The following MCC variants were observed in gnomAD, a reference collection of about 807,000 sequenced individuals.
MCC encodes colorectal mutant cancer protein.
MCC carries 90 observed loss-of-function variants against 116.2 expected under a neutral mutation model. The observed-to-expected ratio is 0.77, with a 90% CI of 0.65 to 0.92. The LOEUF (loss-of-function observed/expected upper bound fraction) is 0.92. Among genes scored for constraint, MCC ranks in the 40% least tolerant of loss-of-function variants. MCC has a pLI of 0.00. For missense variants in MCC, 1,516 were observed against 1,312.2 expected (o/e 1.16, Z -2.40); for synonymous variants, 578 against 510.5 (o/e 1.13, Z -1.78).
At chr5:113,234,985 C>G (rs1018567303) in intron 3 of MCC, among the ~76,000 whole-genome samples, 6 of 152,194 alleles carry the variant, frequency 3.9e-5, no homozygotes, top group South Asian at 2.1e-4. Context: ...CCTCAGTCTT[C>G]TGGCAAACTT....
chr5:113,268,793 A>G (rs113764585), intron 3 of MCC, among the ~76,000 whole-genome samples: 3,153 of 152,288 alleles, frequency 0.021, 36 homozygotes, highest in Middle Eastern at 0.027. Flanking sequence ...TAGTTTTAAC[A>G]AGCATCTAGA....
chr5:113,482,661 C>T (rs1016601663), intron 1 of MCC, among the ~76,000 whole-genome samples: 2 of 152,104 alleles, frequency 1.3e-5, no homozygotes, highest in African/African-American at 4.8e-5. Flanking sequence ...AGTCCTTTAT[C>T]AGATGTACAA....
At chr5:113,291,832 A>C (rs1766506913) in intron 3 of MCC, among the ~76,000 whole-genome samples, 2 of 152,230 alleles carry the variant, frequency 1.3e-5, no homozygotes, top group African/African-American at 4.8e-5. Flanking sequence ...ATTGTATTTG[A>C]ATCTATGGAT....
chr5:113,031,783 G>A (rs1750972185), intron 17 of MCC, among the ~76,000 whole-genome samples: 1 of 152,062 alleles, frequency 6.6e-6, no homozygotes, highest in African/African-American at 2.4e-5. Flanking sequence ...GGCCCTCAGG[G>A]GACCAGAGGG....
chr5:113,248,829 C>CTTTTTTTT (rs1462229364), intron 3 of MCC, among the ~76,000 whole-genome samples: 2 of 131,040 alleles, frequency 1.5e-5, no homozygotes, highest in Admixed American at 8.7e-5. Flanking sequence ...TTCTCTCTCT[C>CTTTTTTTT]TTCTTTTTTT....
chr5:113,254,132 A>G (rs945409384), intron 3 of MCC, among the ~76,000 whole-genome samples: 1 of 152,174 alleles, frequency 6.6e-6, no homozygotes, highest in African/African-American at 2.4e-5. Context: ...CAAAGGTACG[A>G]GGGTCAGTAG....
intron 3 of MCC, among the ~76,000 whole-genome samples, chr5:113,291,071 G>A (rs189593000): frequency 6.6e-6 from 1 of 152,298 alleles, no homozygotes; most frequent in Admixed American, 6.5e-5. Flanking sequence ...AATGTTCATA[G>A]AGGCAATTTT....
At chr5:113,198,597 G>C (rs1001101810) in intron 3 of MCC, among the ~76,000 whole-genome samples, 1 of 151,102 alleles carries the variant, frequency 6.6e-6, no homozygotes, top group South Asian at 2.1e-4. Context: ...CCAGCTACTC[G>C]GCAGGTTGAG....
intron 3 of MCC, among the ~76,000 whole-genome samples, chr5:113,280,009 C>T (rs904832829): frequency 1.3e-5 from 2 of 152,218 alleles, no homozygotes; most frequent in Non-Finnish European, 2.9e-5. Flanking sequence ...CAATCTGCAA[C>T]AATTCCAGCT....
intron 1 of MCC, among the ~76,000 whole-genome samples, chr5:113,478,574 G>GT (rs1772293246): frequency 6.6e-6 from 1 of 152,138 alleles, no homozygotes; most frequent in Non-Finnish European, 1.5e-5. Flanking sequence ...ATTCGGTTCT[G>GT]TATGTGATAA....
chr5:113,375,358 T>C lies in MCC; in HGVS notation c.415+9610A>G, dbSNP rs548541317. ...TTGATCATATATGATCCTGTACTAG[T>C]TCTATTTATATGTTTTGTCTTGATT... On this transcript the variant is annotated intron_variant, in intron 2 of 18. Transcript: ENST00000408903. Among the ~76,000 whole-genome samples, 8 of 152,320 alleles carry C rather than the reference T, an allele frequency of 5.3e-5. No homozygotes were observed. In the South Asian group the frequency reaches 1.7e-3, roughly 32 times the overall value.
At chr5:113,329,065 A>G (rs1342855857) in intron 3 of MCC, among the ~76,000 whole-genome samples, 1 of 152,166 alleles carries the variant, frequency 6.6e-6, no homozygotes, top group African/African-American at 2.4e-5. Context: ...ATGCCAGGCA[A>G]CCTCTGTAAT....
At chr5:113,041,990 C>G (rs1751735620) in intron 17 of MCC, among the ~76,000 whole-genome samples, 1 of 152,006 alleles carries the variant, frequency 6.6e-6, no homozygotes, top group African/African-American at 2.4e-5. Flanking sequence ...GAGCGAGACT[C>G]TGTCTCAAAA....
chr5:113,262,721 T>C (rs1765260467), intron 3 of MCC, among the ~76,000 whole-genome samples: 1 of 152,102 alleles, frequency 6.6e-6, no homozygotes, highest in Non-Finnish European at 1.5e-5. Context: ...TCAAACTTTG[T>C]TGAGCATCAG....
At chr5:113,126,244 C>A (rs1229195208) in intron 5 of MCC, among the ~76,000 whole-genome samples, 1 of 152,208 alleles carries the variant, frequency 6.6e-6, no homozygotes, top group African/African-American at 2.4e-5. Flanking sequence ...AGATTGTACA[C>A]TTGCCTATGT....
At chr5:113,102,165 C>A (rs922064642) in intron 7 of MCC, among the ~76,000 whole-genome samples, 10 of 152,208 alleles carry the variant, frequency 6.6e-5, no homozygotes, top group African/African-American at 1.7e-4. Context: ...TGTTACCTGG[C>A]AACCTTCAGA....
At chr5:113,327,561 A>AAAATATATAT (rs1480996383) in intron 3 of MCC, among the ~76,000 whole-genome samples, 28 of 80,550 alleles carry the variant, frequency 3.5e-4, no homozygotes, top group African/African-American at 1.1e-3. Flanking sequence ...AAAAAAAAAA[A>AAAATATATAT]ATATATATAT....
intron 5 of MCC, among the ~76,000 whole-genome samples, chr5:113,136,702 T>C (rs1162537445): frequency 6.6e-6 from 1 of 152,224 alleles, no homozygotes; most frequent in Non-Finnish European, 1.5e-5. Flanking sequence ...TTTTGTATCC[T>C]GTAACTTTAC....
At chr5:113,164,268 C>A (rs1366510768) in intron 3 of MCC, among the ~76,000 whole-genome samples, 1 of 152,218 alleles carries the variant, frequency 6.6e-6, no homozygotes, top group African/African-American at 2.4e-5. Flanking sequence ...GCCAAGCCTG[C>A]TCACTGTTGG....
Sources: allele counts gnomAD v4.1 joint callset (sites outside exome capture counted in the v4.1 genomes callset), GRCh38; gene constraint gnomAD v4.1.1; transcripts MANE v1.5; gene names NCBI Gene and HGNC (gene_info 2026-07-23, HGNC 2026-07-21).